Variants in SLC25A21 observed in about 807,000 individuals in gnomAD.
SLC25A21 encodes solute carrier family 25 member 21.
Under a neutral mutation model 43.8 loss-of-function variants are expected in SLC25A21, and 47 were observed. The observed-to-expected ratio is 1.07, with a 90% confidence interval of 0.85 to 1.37. The LOEUF (loss-of-function observed/expected upper bound fraction) is 1.37. Ranked by LOEUF, SLC25A21 falls within the 40% of genes most tolerant of loss-of-function variation. The pLI, the probability that SLC25A21 is intolerant of heterozygous loss-of-function variation, is 0.00. For synonymous variants in SLC25A21, 131 were observed against 121.3 expected, an observed-to-expected ratio of 1.08 and a Z score of -0.52; for missense variants, 352 against 350.2, an observed-to-expected ratio of 1.00 and a Z score of -0.04.
At chr14:36,916,742 T>G (rs1211944726) in intron 1 of SLC25A21, among the ~76,000 whole-genome samples, 1 of 152,172 alleles carries the variant, frequency 6.6e-6, no homozygotes, top group African/African-American at 2.4e-5. Flanking sequence ...AATCTATATA[T>G]CTAGGCCTGA....
intron 1 of SLC25A21, among the ~76,000 whole-genome samples, chr14:36,914,039 C>G (rs973735969): frequency 1.3e-5 from 2 of 152,268 alleles, no homozygotes; most frequent in East Asian, 3.9e-4. Context: ...TAACAAGTAA[C>G]TTTTCCAACT....
chr14:36,703,830 G>A (rs1389112108), intron 7 of SLC25A21, among the ~76,000 whole-genome samples: 1 of 152,188 alleles, frequency 6.6e-6, no homozygotes, highest in Admixed American at 6.5e-5. Flanking sequence ...GGTAATGAAA[G>A]AAACTGTTTT....
At chr14:36,838,769 C>T (rs1444576253) in intron 2 of SLC25A21, among the ~76,000 whole-genome samples, 1 of 152,208 alleles carries the variant, frequency 6.6e-6, no homozygotes, top group Admixed American at 6.5e-5. Context: ...AATGATGCTT[C>T]CCTTTACAGT....
At chr14:36,795,341 C>T (rs1369193417) in intron 3 of SLC25A21, among the ~76,000 whole-genome samples, 1 of 152,158 alleles carries the variant, frequency 6.6e-6, no homozygotes, top group Non-Finnish European at 1.5e-5. Context: ...TCATGTTGCT[C>T]AGGGCAGAGG....
At chr14:37,082,385 T>G (rs555900012) in intron 1 of SLC25A21, among the ~76,000 whole-genome samples, 1 of 152,248 alleles carries the variant, frequency 6.6e-6, no homozygotes, top group South Asian at 2.1e-4. Context: ...ATACTCTGTA[T>G]CTAAAATCAA....
intron 1 of SLC25A21, among the ~76,000 whole-genome samples, chr14:37,054,137 G>T (rs1453406501): frequency 5.9e-5 from 9 of 152,090 alleles, no homozygotes; most frequent in East Asian, 3.9e-4. Context: ...CTTCCATCTG[G>T]TTCTCTTGGG....
intron 1 of SLC25A21, among the ~76,000 whole-genome samples, chr14:36,901,148 G>GCAGAGACCGATAAGAAAGGAAA (rs1200517426): frequency 5.3e-5 from 8 of 152,194 alleles, no homozygotes; most frequent in Non-Finnish European, 8.8e-5. Flanking sequence ...AGGGAGAAGA[G>GCAGAGACCGATAAGAAAGGAAA]CAGAGACCGA....
At chr14:37,158,555 T>A (rs1963888159) in intron 1 of SLC25A21, among the ~76,000 whole-genome samples, 1 of 152,068 alleles carries the variant, frequency 6.6e-6, no homozygotes, top group African/African-American at 2.4e-5. Context: ...AAATTCTTAA[T>A]AACTAGGCAT....
rs1232033995 is a variant in SLC25A21, at chr14:36,820,794, C to T, written c.120-6793G>A. 2.6e-5 allele frequency among the ~76,000 whole-genome samples: 4 copies of T among 152,054 alleles called. No individual in the cohort carries two copies. In the East Asian group the frequency reaches 7.7e-4, roughly 29 times the overall value. ...TATACTGATAATAAGTGGTGATGAGCCTAACGAAACTCCCTGCAGAGATTT... is the reference window on the plus strand; with the variant it reads ...TATACTGATAATAAGTGGTGATGAGTCTAACGAAACTCCCTGCAGAGATTT... On this transcript the variant is annotated intron_variant, in intron 2 of 9. Transcript: ENST00000331299.
At chr14:36,801,445 C>T (rs987489079) in intron 3 of SLC25A21, among the ~76,000 whole-genome samples, 2 of 152,124 alleles carry the variant, frequency 1.3e-5, no homozygotes, top group Non-Finnish European at 2.9e-5. Context: ...TTGACTCTTT[C>T]CCCCAACACT....
At chr14:37,168,117 T>C (rs1026499083) in intron 1 of SLC25A21, among the ~76,000 whole-genome samples, 1 of 152,044 alleles carries the variant, frequency 6.6e-6, no homozygotes, top group African/African-American at 2.4e-5. Flanking sequence ...GATGCTACCA[T>C]ACTCCTTCCT....
At chr14:36,683,686 TACTC>T in intron 9 of SLC25A21, 138 bp downstream of exon 9, 1 of 538,584 alleles carries the variant, frequency 1.9e-6, no homozygotes, top group Non-Finnish European at 3.3e-6. Flanking sequence ...GTATCTCAAA[TACTC>T]ATAGACAACT....
chr14:37,125,904 A>G (rs1963289176), intron 1 of SLC25A21, among the ~76,000 whole-genome samples: 1 of 152,204 alleles, frequency 6.6e-6, no homozygotes, highest in Admixed American at 6.5e-5. Flanking sequence ...TTCAAAAGAC[A>G]CATTCCTTGC....
At chr14:36,978,102 G>A (rs1959924256) in intron 1 of SLC25A21, among the ~76,000 whole-genome samples, 1 of 152,124 alleles carries the variant, frequency 6.6e-6, no homozygotes, top group Non-Finnish European at 1.5e-5. Flanking sequence ...TAAGTGATTA[G>A]TGATTTTCTT....
intron 8 of SLC25A21, 147 bp downstream of exon 8, chr14:36,684,597 G>C (rs922724674): frequency 1.4e-5 from 9 of 649,604 alleles, no homozygotes; most frequent in African/African-American, 3.6e-5. Flanking sequence ...GTGTTGTCTT[G>C]GAAAGTTTGT....
intron 1 of SLC25A21, among the ~76,000 whole-genome samples, chr14:36,937,706 C>G (rs765752993): frequency 1.1e-4 from 17 of 152,104 alleles, no homozygotes; most frequent in East Asian, 7.7e-4. Context: ...ATGGTTAGTC[C>G]ACGTGGGAAT....
At position 37,140,953 on chromosome 14, in the gene SLC25A21, C is replaced by T. The variant is rs1236493882; in HGVS notation, c.70+31328G>A. On this transcript the variant is annotated intron_variant, in intron 1 of 9. Coordinates refer to ENST00000331299, the MANE Select transcript of SLC25A21 (RefSeq NM_030631.4). Reference sequence around the variant, plus strand: ...CTTGAGGTCAGGAGTTCGAGACCAACCTTGCCACATGGCGAAATTCCGTCT... The same window carrying T: ...CTTGAGGTCAGGAGTTCGAGACCAATCTTGCCACATGGCGAAATTCCGTCT... Among the ~76,000 whole-genome samples the T allele has an allele frequency of 2.0e-5, 3 of 152,168 alleles. No individual in the cohort carries two copies. The East Asian group carries it at 5.8e-4, about 30-fold the overall frequency.
intron 1 of SLC25A21, among the ~76,000 whole-genome samples, chr14:36,903,156 C>T (rs549138594): frequency 3.3e-5 from 5 of 152,290 alleles, no homozygotes; most frequent in Admixed American, 3.3e-4. Flanking sequence ...CTATAACTAG[C>T]CTTGCTGCCA....
intron 3 of SLC25A21, among the ~76,000 whole-genome samples, chr14:36,766,742 C>T (rs1886430366): frequency 6.6e-6 from 1 of 152,094 alleles, no homozygotes; most frequent in African/African-American, 2.4e-5. Context: ...AAGGGTCAGG[C>T]CTTAGAGTCG....
Sources: gnomAD v4.1 joint callset for allele counts (sites outside exome capture counted in the v4.1 genomes callset) on GRCh38, gnomAD v4.1.1 for gene constraint, MANE v1.5 for transcripts, NCBI Gene and HGNC (gene_info 2026-07-23, HGNC 2026-07-21) for gene names.